CNTN2: variants seen among roughly 807,000 people sequenced by gnomAD.
CNTN2 encodes contactin-2.
A neutral mutation model predicts 117.5 loss-of-function variants in CNTN2; 53 were observed. That is an observed-to-expected ratio of 0.45 (90% CI 0.36 to 0.57). The LOEUF (loss-of-function observed/expected upper bound fraction) is 0.57, where lower values mean the gene tolerates loss of function less well. CNTN2 is among the 20% of genes least tolerant of loss of function. The pLI is 0.00. For synonymous variants in CNTN2, 530 were observed against 561.7 expected (o/e 0.94, Z 0.80); for missense variants, 1,106 against 1,404.3 (o/e 0.79, Z 3.39).
At position 205,070,424 on chromosome 1, in the gene CNTN2, A is replaced by G. The variant is rs1196223064; in HGVS notation, c.2432-2A>G. On this transcript the variant is annotated splice_acceptor_variant, in intron 18 of 22. Coordinates refer to ENST00000331830, the MANE Select transcript of CNTN2 (RefSeq NM_005076.5). LOFTEE classifies it high-confidence loss of function. ...CCAAACCCATTCTGTATTGGTCCCCAGAGCCCAGGGTGGCCCCTACCAAGG... is the reference window on the plus strand; with the variant it reads ...CCAAACCCATTCTGTATTGGTCCCCGGAGCCCAGGGTGGCCCCTACCAAGG... The G allele has an allele frequency of 6.2e-7, 1 of 1,610,286 alleles. No homozygotes were observed. Among genetic ancestry groups the G allele is most frequent in the Non-Finnish European group, 8.5e-7 (1 of 1,177,440 alleles).
Position 205,048,210 on chromosome 1 carries a change from G to C in CNTN2, c.-87+4816G>C, listed in dbSNP as rs1015806333. 6.6e-6 allele frequency among the ~76,000 whole-genome samples: 1 copy of C among 152,186 alleles called. No homozygotes were observed. The highest frequency in any genetic ancestry group is 1.5e-5 in the Non-Finnish European group (1 of 68,032). On this transcript the variant is annotated intron_variant, in intron 1 of 22. Coordinates refer to ENST00000331830, the MANE Select transcript of CNTN2 (RefSeq NM_005076.5). The surrounding 1 kb of genome is among the most constrained non-coding windows in gnomAD (Gnocchi z 4.1). ...CCAATCTCCATTACTGGGGAGAAGG[G>C]GAGACAGATTCAGGGCCAGGAGCTG...
Position 205,065,561 on chromosome 1 carries a change from G to C in CNTN2, c.1696-228G>C, listed in dbSNP as rs965749723. ...TAGGGCAAATGATATTATTAATGTG[G>C]ACAGTCATTGACTGTCTCCTGAAAC... On this transcript the variant is annotated intron_variant, in intron 13 of 22. Coordinates refer to ENST00000331830, the MANE Select transcript of CNTN2 (RefSeq NM_005076.5). The surrounding 1 kb of genome is among the most constrained non-coding windows in gnomAD (Gnocchi z 4.1). Among the ~76,000 whole-genome samples, 1 of 152,006 alleles carries C rather than the reference G, an allele frequency of 6.6e-6. No individual in the cohort carries two copies. The highest frequency in any genetic ancestry group is 1.5e-5 in the Non-Finnish European group (1 of 68,014).
Position 205,059,646 on chromosome 1 carries a change from G to C in CNTN2, c.761G>C (p.Gly254Ala), listed in dbSNP as rs1399831343. 1 of 1,614,154 alleles carries C rather than the reference G, an allele frequency of 6.2e-7. No individual in the cohort carries two copies. The highest frequency in any genetic ancestry group is 8.5e-7 in the Non-Finnish European group (1 of 1,180,024). The part of the protein sequence containing the change: ...RFPAETYALV[G>A]QQVTLECFAF... ...CCAGCAGAGACCTATGCACTGGTGG[G>C]GCAGCAGGTCACCCTGGAGTGCTTC... Residue 254 changes from glycine (G) to alanine (A), a missense_variant, in exon 7 of 23, where the codon GGG (glycine) becomes GCG (alanine). Coordinates refer to ENST00000331830, the MANE Select transcript of CNTN2 (RefSeq NM_005076.5). This position sits in a 1 kb window ranked among gnomAD's most constrained non-coding sequence, Gnocchi z 5.6.
At chr1:205,060,948 G>A (rs566881810) in intron 7 of CNTN2, 23 of 352,874 alleles carry the variant, frequency 6.5e-5, no homozygotes, top group South Asian at 2.5e-4. Context: ...TGACCGGTGC[G>A]GGAGAGGGCA....
At chr1:205,044,211 G>T (rs2096437184) in intron 1 of CNTN2, among the ~76,000 whole-genome samples, 1 of 152,146 alleles carries the variant, frequency 6.6e-6, no homozygotes, top group Non-Finnish European at 1.5e-5. Flanking sequence ...GGGAGTTCTG[G>T]AAAGAGAGGG....
chr1:205,073,670 G>A lies in CNTN2; in HGVS notation c.3028G>A (p.Val1010Met), dbSNP rs1654714905. 6.2e-7 allele frequency: 1 copy of A among 1,613,846 alleles called. No individual in the cohort carries two copies. Among genetic ancestry groups the A allele is most frequent in the South Asian group, 1.1e-5 (1 of 91,084 alleles). ...GCTGGTTTCAGGCACAAGCATGATG[G>A]TGGAGAACATGGCAGTCCGCCCAGC... The part of the protein sequence containing the change: ...IVRNGGTSMM[V>M]ENMAVRPAPH... The change falls in exon 23 of 23, where the codon GTG (valine) becomes ATG (methionine). Residue 1010 changes from valine (V) to methionine (M), a missense_variant. Coordinates refer to ENST00000331830, the MANE Select transcript of CNTN2 (RefSeq NM_005076.5). This position sits in a 1 kb window ranked among gnomAD's most constrained non-coding sequence, Gnocchi z 6.3.
At chr1:205,056,701 C>A (rs1317081501) in intron 2 of CNTN2, among the ~76,000 whole-genome samples, 1 of 152,204 alleles carries the variant, frequency 6.6e-6, no homozygotes, top group Non-Finnish European at 1.5e-5. Context: ...TTAGGGATAG[C>A]CTGGCTCCCA....
chr1:205,064,262 A>G, intron 10 of CNTN2, 60 bp from the exon 11 acceptor site: 1 of 1,505,468 alleles, frequency 6.6e-7, no homozygotes, highest in Non-Finnish European at 8.9e-7. Context: ...GGGCACGCCA[A>G]GTAACGTCTT....
chr1:205,069,697 C>T, intron 17 of CNTN2, 130 bp from the exon 18 acceptor site: 1 of 1,397,538 alleles, frequency 7.2e-7, no homozygotes, highest in East Asian at 2.3e-5. Flanking sequence ...ACCCGCTGCC[C>T]CTTACGCGAA....
In CNTN2 at chr1:205,075,065, G is replaced by A. The variant is rs1209240175; in HGVS notation, c.*1300G>A. The A allele has an allele frequency of 1.5e-5, 6 of 396,452 alleles. No individual in the cohort carries two copies. Among genetic ancestry groups the A allele is most frequent in the Non-Finnish European group, 2.7e-5 (6 of 225,328 alleles). 24.6% of individuals were successfully genotyped at this position (396,452 alleles called of 1,614,324 possible). A position where few individuals can be genotyped will look rare whatever the true frequency, so the allele number is the denominator to read the frequency against. Reference sequence around the variant, plus strand: ...GATGAGGAAATGGAGGTGGTCCAGAGAGGGTCTGGGATTCCCAAGGTCACA... The same window carrying A: ...GATGAGGAAATGGAGGTGGTCCAGAAAGGGTCTGGGATTCCCAAGGTCACA... On this transcript the variant is annotated 3_prime_UTR_variant, in exon 23 of 23. Transcript: ENST00000331830.
In CNTN2 at chr1:205,062,527, A is replaced by G; in HGVS notation, c.1198A>G (p.Lys400Glu). Residue 400 changes from lysine (K) to glutamate (E), a missense_variant, in exon 10 of 23, where the codon AAG (lysine) becomes GAG (glutamate). Lys to Glu is a moderately conservative substitution (Grantham distance 56). Transcript: ENST00000331830. ...CATGTACCAGTGTGTGGCAGAGAAT[A>G]AGCACGGTACCATCTACGCCAGCGC... ...SGMYQCVAEN[K>E]HGTIYASAEL... is the part of the protein sequence containing the mutation. 1 of 1,614,102 alleles carries G rather than the reference A, an allele frequency of 6.2e-7. No homozygotes were observed. Among genetic ancestry groups the G allele is most frequent in the Non-Finnish European group, 8.5e-7 (1 of 1,179,992 alleles).
At position 205,059,963 on chromosome 1, in the gene CNTN2, C is replaced by A. The variant is rs1417377447; in HGVS notation, c.797+281C>A. 4 of 467,070 alleles carry A rather than the reference C, an allele frequency of 8.6e-6. No individual in the cohort carries two copies. The highest frequency in any genetic ancestry group is 7.8e-5 in the African/African-American group (4 of 51,168). 28.9% of individuals were successfully genotyped at this position (467,070 alleles called of 1,614,324 possible). ...AGTAACACCCAGGGCTGGAGGCAGGCAGCACAGTGTACAGACTCCAACCCT... is the reference window on the plus strand; with the variant it reads ...AGTAACACCCAGGGCTGGAGGCAGGAAGCACAGTGTACAGACTCCAACCCT... On this transcript the variant is annotated intron_variant, in intron 7 of 22. Coordinates refer to ENST00000331830, the MANE Select transcript of CNTN2 (RefSeq NM_005076.5). This position sits in a 1 kb window ranked among gnomAD's most constrained non-coding sequence, Gnocchi z 5.6.
At position 205,058,266 on chromosome 1, in the gene CNTN2, A is replaced by G. The variant is rs1653768989; in HGVS notation, c.301A>G (p.Thr101Ala). The part of the protein sequence containing the change: ...VGGNLVIMNP[T>A]KAQDAGVYQC... Reference sequence around the variant, plus strand: ...GGGCAACCTGGTCATCATGAACCCCACCAAGGCACAGGATGCCGGGGTCTA... The same window carrying G: ...GGGCAACCTGGTCATCATGAACCCCGCCAAGGCACAGGATGCCGGGGTCTA... The change falls in exon 4 of 23, where the codon ACC becomes GCC. Residue 101 changes from threonine (T) to alanine (A), a missense_variant. Transcript: ENST00000331830. The surrounding 1 kb of genome is among the most constrained non-coding windows in gnomAD (Gnocchi z 4.3). 2 of 1,542,332 alleles carry G rather than the reference A, an allele frequency of 1.3e-6. No homozygotes were observed. Among genetic ancestry groups the G allele is most frequent in the African/African-American group, 2.7e-5 (2 of 72,748 alleles).
Position 205,064,305 on chromosome 1 carries a change from C to G in CNTN2, c.1241-17C>G. On this transcript the variant is annotated splice_polypyrimidine_tract_variant and intron_variant, in intron 10 of 22. Coordinates refer to ENST00000331830, the MANE Select transcript of CNTN2 (RefSeq NM_005076.5). ...GGTGACAGTACTTTTCTCTGTGGCT[C>G]TCCCCTTTCCTTCTAGCACTCGCCC... 2 of 1,540,896 alleles carry G rather than the reference C, an allele frequency of 1.3e-6. No homozygotes were observed. Among genetic ancestry groups the G allele is most frequent in the Admixed American group, 4.2e-5 (2 of 47,150 alleles).
chr1:205,059,167 A>G lies in CNTN2; in HGVS notation c.571A>G (p.Asn191Asp), dbSNP rs1653828735. ...GRHFVSQTTGNLYIARTNASD... is the reference protein window; with the variant it reads ...GRHFVSQTTGDLYIARTNASD... The stretch of plus-strand genomic sequence containing the variant: ...TCACTTCGTGTCCCAGACCACAGGG[A>G]ACCTGTACATTGCCCGAACCAATGC... The change falls in exon 6 of 23, where the codon AAC becomes GAC. Residue 191 changes from asparagine (N) to aspartate (D), a missense_variant. Physicochemically the swap from Asn to Asp is conservative, Grantham distance 23 (BLOSUM62 1). Coordinates refer to ENST00000331830, the MANE Select transcript of CNTN2 (RefSeq NM_005076.5). The surrounding 1 kb of genome is among the most constrained non-coding windows in gnomAD (Gnocchi z 5.6). 6.2e-7 allele frequency: 1 copy of G among 1,614,024 alleles called. No homozygotes were observed. The highest frequency in any genetic ancestry group is 1.3e-5 in the African/African-American group (1 of 74,922).
rs1653740227 is a variant in CNTN2 at position 205,057,986 on chromosome 1, G to T, written c.136G>T (p.Val46Leu). Reference sequence around the variant, plus strand: ...TGTCTTTGAAGACCAGCCCCTCAGTGTGCTATTCCCAGAGGAGTCCACGGA... The same window carrying T: ...TGTCTTTGAAGACCAGCCCCTCAGTTTGCTATTCCCAGAGGAGTCCACGGA... ...GPVFEDQPLS[V>L]LFPEESTEEQ... The change falls in exon 3 of 23, where the codon GTG (valine) becomes TTG (leucine). Residue 46 changes from valine to leucine, a missense_variant. Coordinates refer to ENST00000331830, the MANE Select transcript of CNTN2 (RefSeq NM_005076.5). The T allele has an allele frequency of 6.2e-7, 1 of 1,614,176 alleles. No individual in the cohort carries two copies. Among genetic ancestry groups the T allele is most frequent in the Non-Finnish European group, 8.5e-7 (1 of 1,180,036 alleles).
chr1:205,053,058 C>T, intron 1 of CNTN2, 42 bp from the exon 2 acceptor site: 10 of 581,750 alleles, frequency 1.7e-5, no homozygotes, highest in South Asian at 5.4e-5. Context: ...CTGGGAGGGG[C>T]GCTCCTCGGC....
intron 11 of CNTN2, 49 bp downstream of exon 11, chr1:205,064,521 C>A: frequency 3.8e-6 from 6 of 1,593,606 alleles, no homozygotes; most frequent in Non-Finnish European, 5.1e-6. Context: ...CCTCATTCTC[C>A]ATGGAGGCCA....
Position 205,053,119 on chromosome 1 carries a change from C to A in CNTN2, c.-67C>A. 1 of 1,292,558 alleles carries A rather than the reference C, an allele frequency of 7.7e-7. No individual in the cohort carries two copies. The highest frequency in any genetic ancestry group is 1.1e-6 in the Non-Finnish European group (1 of 935,464). The allele number at this position is 1,292,558 out of a possible 1,614,324, so 80.1% of individuals were successfully genotyped here. On this transcript the variant is annotated 5_prime_UTR_variant, in exon 2 of 23. In the 5' UTR this introduces an upstream ATG that the reference lacks. Coordinates refer to ENST00000331830, the MANE Select transcript of CNTN2 (RefSeq NM_005076.5). The stretch of plus-strand genomic sequence containing the variant: ...CCCCAGGTCCTTTCTCAGCCTCCAG[C>A]TGGGCTGTCCCCAAGCTGAGCTGAG...
Sources: allele counts gnomAD v4.1 joint callset (sites outside exome capture counted in the v4.1 genomes callset), GRCh38; gene constraint gnomAD v4.1.1; non-coding constraint Gnocchi (gnomAD v3.1); transcripts MANE v1.5; gene names NCBI Gene and HGNC (gene_info 2026-07-23, HGNC 2026-07-21).